Variants in ZNF236 observed in about 807,000 individuals in gnomAD.
The protein encoded by ZNF236 is regulated by glucose.
A neutral mutation model predicts 191.2 loss-of-function variants in ZNF236; 50 were observed. The ratio of observed to expected loss-of-function variants is 0.26; its 90% confidence interval spans 0.21 to 0.33. The LOEUF (loss-of-function observed/expected upper bound fraction) is 0.33, where lower values mean the gene tolerates loss of function less well. Ranked by LOEUF, ZNF236 falls within the 10% of genes least tolerant of loss-of-function variation. The pLI, the probability that ZNF236 is intolerant of heterozygous loss-of-function variation, is 1.00. For synonymous variants in ZNF236, 907 were observed against 928.8 expected (o/e 0.98, Z 0.43); for missense variants, 1,754 against 2,374.5 (o/e 0.74, Z 5.43).
intron 3 of ZNF236, among the ~76,000 whole-genome samples, chr18:76,860,248 G>A (rs1976174443): frequency 6.6e-6 from 1 of 152,144 alleles, no homozygotes; most frequent in Non-Finnish European, 1.5e-5. Context: ...CATGCCACAT[G>A]TTCTGGGTGG....
At chr18:76,941,634 G>A (rs1968135507) in intron 26 of ZNF236, among the ~76,000 whole-genome samples, 1 of 152,198 alleles carries the variant, frequency 6.6e-6, no homozygotes, top group Non-Finnish European at 1.5e-5. Flanking sequence ...GAGGCTTTGT[G>A]AGCAGCACGA....
intron 9 of ZNF236, among the ~76,000 whole-genome samples, chr18:76,892,378 G>A (rs1173093978): frequency 6.6e-6 from 1 of 151,218 alleles, no homozygotes; most frequent in Non-Finnish European, 1.5e-5. Flanking sequence ...TAAATTAATG[G>A]CAGTGATAGT....
intron 3 of ZNF236, among the ~76,000 whole-genome samples, chr18:76,863,645 C>T (rs1322168745): frequency 6.7e-6 from 1 of 150,292 alleles, no homozygotes; most frequent in Non-Finnish European, 1.5e-5. Context: ...CCAGGCTGGT[C>T]TCGAACTCAT....
chr18:76,933,073 GCT>G (rs1967900356), intron 25 of ZNF236, among the ~76,000 whole-genome samples: 1 of 152,192 alleles, frequency 6.6e-6, no homozygotes, highest in Admixed American at 6.5e-5. Context: ...TGGGTGCAAG[GCT>G]CCCACATGTT....
At position 76,937,179 on chromosome 18, in the gene ZNF236, C is replaced by T. The variant is rs371773262; in HGVS notation, c.4618C>T (p.Leu1540Phe). ...AGAACTTAACACTACAAGCGGAAGC[C>T]TTCCTTCAACAACACCGATGTCTCC... ...ISELNTTSGSLPSTTPMSPSA... is the reference protein window; with the variant it reads ...ISELNTTSGSFPSTTPMSPSA... Residue 1540 changes from leucine to phenylalanine, a missense_variant, in exon 26 of 31, where the codon CTT becomes TTT. Physicochemically the swap from Leu to Phe is conservative, Grantham distance 22. Coordinates refer to ENST00000320610, the MANE Select transcript of ZNF236 (RefSeq NM_001306089.2). 49 of 1,614,008 alleles carry T rather than the reference C, an allele frequency of 3.0e-5. No homozygotes were observed. Among genetic ancestry groups the T allele is most frequent in the African/African-American group, 4.0e-5 (3 of 74,924 alleles).
At chr18:76,863,307 C>T (rs992909345) in intron 3 of ZNF236, among the ~76,000 whole-genome samples, 4 of 151,490 alleles carry the variant, frequency 2.6e-5, no homozygotes, top group Admixed American at 6.6e-5. Context: ...TGGCTGAAAA[C>T]GACCCAGACT....
Position 76,937,332 on chromosome 18 carries a change from A to G in ZNF236, c.4771A>G (p.Ile1591Val), listed in dbSNP as rs1968029305. 3 of 1,610,268 alleles carry G rather than the reference A, an allele frequency of 1.9e-6. No individual in the cohort carries two copies. The highest frequency in any genetic ancestry group is 1.3e-5 in the African/African-American group (1 of 74,976). Residue 1591 changes from isoleucine to valine, a missense_variant, in exon 26 of 31, where the codon ATC becomes GTC. Physicochemically the swap from Ile to Val is conservative, Grantham distance 29. Around this residue, in one of 5 missense-constraint regions of ZNF236, gnomAD observed 606 missense variants for 761.5 expected, o/e 0.80. Coordinates refer to ENST00000320610, the MANE Select transcript of ZNF236 (RefSeq NM_001306089.2). ...AGGCCTGGACACTGTCACACTCAAC[A>G]TCACCTCTCAGGCAAGTGCTCCTCA... ...SGGLDTVTLN[I>V]TSQGQQFPAL...
chr18:76,950,302 G>A (rs745553717), intron 27 of ZNF236, among the ~76,000 whole-genome samples: 9 of 152,178 alleles, frequency 5.9e-5, no homozygotes, highest in Non-Finnish European at 1.0e-4. Context: ...GCTTTACTAA[G>A]TTTCTGTAAT....
chr18:76,851,850 G>A lies in ZNF236; in HGVS notation c.274G>A (p.Gly92Arg), dbSNP rs903264134. 11 of 1,613,888 alleles carry A rather than the reference G, an allele frequency of 6.8e-6. No homozygotes were observed. Among genetic ancestry groups the A allele is most frequent in the South Asian group, 2.2e-5 (2 of 91,008 alleles). ...NLTLHKCTHS[G>R]EDPTCPVCNK... The stretch of plus-strand genomic sequence containing the variant: ...GACACTTCATAAATGCACCCACAGC[G>A]GGGAAGATCCTACCTGCCCTGTGTG... The change falls in exon 3 of 31, where the codon GGG becomes AGG. Residue 92 changes from glycine (G) to arginine (R), a missense_variant. Around this residue, in one of 5 missense-constraint regions of ZNF236, gnomAD observed 336 missense variants for 495.1 expected, o/e 0.68. Transcript: ENST00000320610.
At chr18:76,843,198 A>G (rs998595903) in intron 1 of ZNF236, among the ~76,000 whole-genome samples, 12 of 152,194 alleles carry the variant, frequency 7.9e-5, no homozygotes, top group Non-Finnish European at 1.6e-4. Flanking sequence ...GGTGGAGAGC[A>G]TGAGCCGGTG....
At chr18:76,848,745 G>A (rs574238904) in intron 1 of ZNF236, among the ~76,000 whole-genome samples, 34 of 152,134 alleles carry the variant, frequency 2.2e-4, no homozygotes, top group Admixed American at 1.7e-3. Context: ...CGGTCACTAC[G>A]CCCCGAAACT....
chr18:76,846,863 CG>C (rs1277401119), intron 1 of ZNF236, among the ~76,000 whole-genome samples: 3 of 151,644 alleles, frequency 2.0e-5, no homozygotes, highest in Non-Finnish European at 4.4e-5. Flanking sequence ...GGTGCAATCT[CG>C]GATCACTGCA....
At chr18:76,831,169 G>A (rs1193595318) in intron 1 of ZNF236, among the ~76,000 whole-genome samples, 1 of 152,174 alleles carries the variant, frequency 6.6e-6, no homozygotes, top group Non-Finnish European at 1.5e-5. Flanking sequence ...TTGCCGTATA[G>A]TGTCATACAG....
At chr18:76,870,502 AG>A (rs1337816284) in intron 4 of ZNF236, among the ~76,000 whole-genome samples, 2 of 152,214 alleles carry the variant, frequency 1.3e-5, no homozygotes, top group African/African-American at 4.8e-5. Flanking sequence ...CAAACCAGAC[AG>A]ACGAAGCCTC....
Position 76,895,038 on chromosome 18 carries a change from G to T in ZNF236, c.1443G>T (p.Val481=), listed in dbSNP as rs377506788. 5.0e-6 allele frequency: 8 copies of T among 1,610,644 alleles called. No individual in the cohort carries two copies. The highest frequency in any genetic ancestry group is 4.5e-5 in the East Asian group (2 of 44,882). Residue 481 remains valine, a synonymous_variant, in exon 10 of 31, where the codon GTG becomes GTT. Coordinates refer to ENST00000320610, the MANE Select transcript of ZNF236 (RefSeq NM_001306089.2). ...LPGSIREENG[V]RWHVCPYCAK... is the part of the protein sequence containing the mutation. ...GCTCCATCCGCGAGGAGAACGGCGTGCGCTGGCATGTGTGTCCCTACTGCG... is the reference window on the plus strand; with the variant it reads ...GCTCCATCCGCGAGGAGAACGGCGTTCGCTGGCATGTGTGTCCCTACTGCG...
chr18:76,927,533 T>G lies in ZNF236; in HGVS notation c.4414+16T>G. The G allele has an allele frequency of 6.3e-7, 1 of 1,595,464 alleles. No homozygotes were observed. Among genetic ancestry groups the G allele is most frequent in the Non-Finnish European group, 8.6e-7 (1 of 1,169,420 alleles). ...AACAGCAGTGGTAAGAGCCACTCACTTTTGCTTATTTTGACAGCTGGAGTT... is the reference window on the plus strand; with the variant it reads ...AACAGCAGTGGTAAGAGCCACTCACGTTTGCTTATTTTGACAGCTGGAGTT... On this transcript the variant is annotated intron_variant, in intron 24 of 30. Coordinates refer to ENST00000320610, the MANE Select transcript of ZNF236 (RefSeq NM_001306089.2). The surrounding 1 kb of genome is among the most constrained non-coding windows in gnomAD (Gnocchi z 5.4).
intron 3 of ZNF236, among the ~76,000 whole-genome samples, chr18:76,856,239 G>C (rs1185592116): frequency 2.6e-5 from 4 of 151,516 alleles, no homozygotes; most frequent in African/African-American, 7.3e-5. Context: ...GCCCAGGCTA[G>C]AGGCACAATC....
At position 76,868,853 on chromosome 18, in the gene ZNF236, T is replaced by C. The variant is rs1046170183; in HGVS notation, c.532T>C (p.Tyr178His). 1.9e-6 allele frequency: 3 copies of C among 1,603,614 alleles called. No individual in the cohort carries two copies. Among genetic ancestry groups the C allele is most frequent in the African/African-American group, 2.7e-5 (2 of 74,568 alleles). ...GCTGAAGGAACACATGAAGACTCATTACAAAATTAGGTATGAGTCATTACA... is the reference window on the plus strand; with the variant it reads ...GCTGAAGGAACACATGAAGACTCATCACAAAATTAGGTATGAGTCATTACA... ...SELKEHMKTH[Y>H]KIRVSSTRSY... Residue 178 changes from tyrosine to histidine, a missense_variant, in exon 4 of 31, where the codon TAC becomes CAC. This residue lies in a region of ZNF236 where 336 missense variants were observed against 495.1 expected (regional missense o/e 0.68). Transcript: ENST00000320610.
intron 4 of ZNF236, 50 bp from the exon 5 acceptor site, chr18:76,871,651 G>C: frequency 6.2e-7 from 1 of 1,608,088 alleles, no homozygotes; most frequent in Non-Finnish European, 8.5e-7. Flanking sequence ...TGAAATTATG[G>C]TACAAGGGAG....
Sources: allele counts gnomAD v4.1 joint callset (sites outside exome capture counted in the v4.1 genomes callset), GRCh38; gene constraint gnomAD v4.1.1; regional missense constraint gnomAD v4.1.1; non-coding constraint Gnocchi (gnomAD v3.1); transcripts MANE v1.5; gene names NCBI Gene and HGNC (gene_info 2026-07-23, HGNC 2026-07-21).